Variants in FAM186B observed in about 807,000 individuals in gnomAD.
FAM186B encodes family with sequence similarity 186 member B, also known as protein FAM186B.
In FAM186B, 68 loss-of-function variants were observed where a neutral mutation model predicts 83.4. The ratio of observed to expected loss-of-function variants is 0.81; its 90% CI spans 0.67 to 1.00. FAM186B has a LOEUF of 1.00. Ranked by LOEUF, FAM186B falls within the 50% of genes least tolerant of loss-of-function variation. The pLI, the probability that FAM186B is intolerant of heterozygous loss-of-function variation, is 0.00. For synonymous variants in FAM186B, 389 were observed against 422.0 expected, an observed-to-expected ratio of 0.92 and a Z score of 0.96; for missense variants, 983 against 1,099.2, an observed-to-expected ratio of 0.89 and a Z score of 1.49.
At chr12:49,611,190 T>C in the FAM186B span, among the ~76,000 whole-genome samples, 2 of 151,686 alleles carry the variant, frequency 1.3e-5, no homozygotes, top group African/African-American at 2.4e-5. Flanking sequence ...CTGGCCAACA[T>C]GGTGAAACCC....
chr12:49,595,317 A>G (rs765994773), intron 5 of FAM186B: 12 of 641,064 alleles, frequency 1.9e-5, no homozygotes, highest in Admixed American at 1.1e-4. Flanking sequence ...AAGAGGGACC[A>G]TATGACATAG....
downstream of FAM186B, chr12:49,583,321 C>A: frequency 3.6e-6 from 1 of 274,996 alleles, no homozygotes; most frequent in Non-Finnish European, 7.4e-6. Flanking sequence ...GCTAAGTACA[C>A]ATTAAATAAC....
Position 49,600,935 on chromosome 12 carries a change from G to A in FAM186B, c.705C>T (p.Tyr235=), listed in dbSNP as rs1260671844. The change falls in exon 4 of 7, where the codon TAC becomes TAT. Residue 235 remains tyrosine, a synonymous_variant. Transcript: ENST00000257894. This position sits in a 1 kb window ranked among gnomAD's most constrained non-coding sequence, Gnocchi z 4.3. ...TGAGGTTCTCCACCACAGTGGCCAT[G>A]TACCTGATGGCCCTGACCTCCCCCT... is the stretch of plus-strand genomic sequence containing the variant. ...FSKGEVRAIR[Y]MATVVENLNK... is the part of the protein sequence containing the mutation. 1 of 1,614,042 alleles carries A rather than the reference G, an allele frequency of 6.2e-7. No individual in the cohort carries two copies. Among genetic ancestry groups the A allele is most frequent in the Non-Finnish European group, 8.5e-7 (1 of 1,180,018 alleles).
At chr12:49,592,881 A>C (rs1236679426) in intron 5 of FAM186B, among the ~76,000 whole-genome samples, 1 of 152,186 alleles carries the variant, frequency 6.6e-6, no homozygotes, top group Non-Finnish European at 1.5e-5. Flanking sequence ...AAGCTCAGTT[A>C]CTCCACAAGA....
At position 49,589,764 on chromosome 12, in the gene FAM186B, T is replaced by C. The variant is rs530382918; in HGVS notation, c.2365-1141A>G. 3.9e-5 allele frequency among the ~76,000 whole-genome samples: 6 copies of C among 152,104 alleles called. No individual in the cohort carries two copies. In the East Asian group the frequency reaches 7.7e-4, roughly 20 times the overall value. The stretch of plus-strand genomic sequence containing the variant: ...TTAGGAAGCCAAGTCAGGCAGATCA[T>C]GAGGTCAAGAGATTGAGACCATCCT... On this transcript the variant is annotated intron_variant, in intron 5 of 6. Transcript: ENST00000257894.
chr12:49,588,385 G>A, intron 6 of FAM186B, 69 bp downstream of exon 6: 2 of 1,525,648 alleles, frequency 1.3e-6, no homozygotes, highest in Non-Finnish European at 1.8e-6. Context: ...CACCTCCCCA[G>A]GCTGGTCACC....
the FAM186B span, chr12:49,619,664 TCTC>T: frequency 3.1e-5 from 9 of 293,410 alleles, no homozygotes; most frequent in East Asian, 4.4e-4. Context: ...TAGTTAGACA[TCTC>T]TTTTTTTTTT....
chr12:49,611,916 G>T, the FAM186B span, among the ~76,000 whole-genome samples: 2 of 151,358 alleles, frequency 1.3e-5, no homozygotes, highest in Non-Finnish European at 2.9e-5. Flanking sequence ...AGAAATAAAA[G>T]CTTTTCCAGA....
chr12:49,589,219 A>T (rs1939521511), intron 5 of FAM186B, among the ~76,000 whole-genome samples: 1 of 151,906 alleles, frequency 6.6e-6, no homozygotes, highest in African/African-American at 2.4e-5. Flanking sequence ...CCTCCCCTAG[A>T]CTCAGGCCAC....
In FAM186B at chr12:49,588,333, C is replaced by T. The variant is rs373412940; in HGVS notation, c.2534+121G>A. 42 of 1,259,224 alleles carry T rather than the reference C, an allele frequency of 3.3e-5. No homozygotes were observed. The South Asian group carries it at 4.5e-4, about 14-fold the overall frequency. The allele number at this position is 1,259,224 out of a possible 1,614,324, so 78.0% of individuals were successfully genotyped here. A position where few individuals can be genotyped will look rare whatever the true frequency, so the allele number is the denominator to read the frequency against. On this transcript the variant is annotated intron_variant, in intron 6 of 6. Transcript: ENST00000257894. ...CTGAGAAGACAGGCACTTTGCAACT[C>T]GTAGGGTGATATTGGCCTGTTGGTG...
downstream of FAM186B, chr12:49,582,907 T>C (rs1333812256): frequency 2.5e-6 from 1 of 407,036 alleles, no homozygotes; most frequent in Non-Finnish European, 4.9e-6. Context: ...TATATTTGTC[T>C]TCCAACCCTC....
chr12:49,603,148 C>T (rs778772678), intron 3 of FAM186B, 37 bp downstream of exon 3: 5 of 1,610,850 alleles, frequency 3.1e-6, no homozygotes, highest in Non-Finnish European at 4.2e-6. Flanking sequence ...CACCCCGTCC[C>T]CACCTAGCTC....
At chr12:49,585,047 T>G (rs1368502302), downstream of FAM186B, among the ~76,000 whole-genome samples, 2 of 151,970 alleles carry the variant, frequency 1.3e-5, no homozygotes, top group South Asian at 4.2e-4. Flanking sequence ...TAAGATGGAG[T>G]CTCGCTGTGT....
downstream of FAM186B, among the ~76,000 whole-genome samples, chr12:49,585,160 A>G (rs1196865759): frequency 2.6e-5 from 4 of 152,106 alleles, no homozygotes; most frequent in Non-Finnish European, 5.9e-5. Flanking sequence ...CTGGGACTAC[A>G]GGCGCCCGCC....
downstream of FAM186B, among the ~76,000 whole-genome samples, chr12:49,585,806 G>A (rs1939430324): frequency 6.6e-6 from 1 of 152,238 alleles, no homozygotes; most frequent in Non-Finnish European, 1.5e-5. Flanking sequence ...TGGTGGGCCA[G>A]GAGCAGGTGG....
chr12:49,616,865 G>T, the FAM186B span, among the ~76,000 whole-genome samples: 1 of 152,184 alleles, frequency 6.6e-6, no homozygotes, highest in South Asian at 2.1e-4. Flanking sequence ...CCTCAATAAA[G>T]TTGATTTTTT....
chr12:49,604,183 G>T, intron 2 of FAM186B, 130 bp downstream of exon 2: 1 of 687,854 alleles, frequency 1.5e-6, no homozygotes, highest in Non-Finnish European at 2.5e-6. Context: ...TCAGGAGCAT[G>T]GAGGTGATGT....
chr12:49,599,778 C>T lies in FAM186B; in HGVS notation c.1862G>A (p.Arg621Gln), dbSNP rs775212053. The T allele has an allele frequency of 2.4e-5, 39 of 1,613,936 alleles. No homozygotes were observed. The highest frequency in any genetic ancestry group is 1.2e-4 in the South Asian group (11 of 91,078). The change falls in exon 4 of 7, where the codon CGG becomes CAG. Residue 621 changes from arginine to glutamine, a missense_variant. Transcript: ENST00000257894. Reference protein sequence around the residue: ...MSSVEFTYRPRTRRVPTKPKK... With the variant: ...MSSVEFTYRPQTRRVPTKPKK... ...GGGCTTTGTGGGAACTCGGCGGGTC[C>T]GTGGTCTGTAGGTAAACTCCACTGA...
chr12:49,587,431 C>A, downstream of FAM186B: 1 of 850,932 alleles, frequency 1.2e-6, no homozygotes, highest in Non-Finnish European at 1.8e-6. Flanking sequence ...ATGGGGACCC[C>A]GCTTACAGCC....
Sources: gnomAD v4.1 joint callset for allele counts (sites outside exome capture counted in the v4.1 genomes callset) on GRCh38, gnomAD v4.1.1 for gene constraint, Gnocchi (gnomAD v3.1) non-coding constraint, MANE v1.5 for transcripts, NCBI Gene and HGNC (gene_info 2026-07-23, HGNC 2026-07-21) for gene names.